The following ERBB4 variants were observed in gnomAD, a reference collection of about 807,000 sequenced individuals.
ERBB4 encodes the protein receptor tyrosine-protein kinase erbB-4.
Under a neutral mutation model 158.0 loss-of-function variants are expected in ERBB4, and 42 were observed. The observed-to-expected ratio is 0.27, with a 90% CI of 0.21 to 0.34. The LOEUF (loss-of-function observed/expected upper bound fraction) is 0.34. Among genes scored for constraint, ERBB4 ranks in the 10% least tolerant of loss-of-function variants. The pLI is 1.00. For synonymous variants in ERBB4, 583 were observed against 558.7 expected (o/e 1.04, Z -0.61); for missense variants, 1,333 against 1,624.1 (o/e 0.82, Z 3.08).
At chr2:211,854,776 G>T (rs2077810419) in intron 3 of ERBB4, among the ~76,000 whole-genome samples, 1 of 152,028 alleles carries the variant, frequency 6.6e-6, no homozygotes, top group African/African-American at 2.4e-5. Flanking sequence ...ATGCTACCAT[G>T]AATATTCTTA....
intron 3 of ERBB4, among the ~76,000 whole-genome samples, chr2:211,930,699 T>C (rs2080151001): frequency 6.6e-6 from 1 of 152,166 alleles, no homozygotes; most frequent in Non-Finnish European, 1.5e-5. Context: ...TAACTGGGTA[T>C]TTTAATTATT....
intron 3 of ERBB4, among the ~76,000 whole-genome samples, chr2:211,872,633 A>G (rs1325267008): frequency 1.3e-5 from 2 of 152,176 alleles, no homozygotes; most frequent in Non-Finnish European, 2.9e-5. Context: ...TTAAAGGTCA[A>G]TATGGTATGA....
At chr2:212,296,904 C>T (rs915561865) in intron 1 of ERBB4, among the ~76,000 whole-genome samples, 1 of 151,912 alleles carries the variant, frequency 6.6e-6, no homozygotes, top group Non-Finnish European at 1.5e-5. Flanking sequence ...CAGATAGACT[C>T]TCCTTCATGA....
intron 5 of ERBB4, among the ~76,000 whole-genome samples, chr2:211,736,826 C>A (rs1301307598): frequency 6.6e-6 from 1 of 151,912 alleles, no homozygotes; most frequent in Non-Finnish European, 1.5e-5. Flanking sequence ...TGGGCCAATA[C>A]AAAACAACTT....
chr2:211,966,089 C>T lies in ERBB4; in HGVS notation c.235-18473G>A, dbSNP rs191452450. Among the ~76,000 whole-genome samples the T allele has an allele frequency of 3.3e-5, 5 of 152,222 alleles. No homozygotes were observed. The East Asian group carries it at 7.7e-4, about 24-fold the overall frequency. Reference sequence around the variant, plus strand: ...TTTAGCCGGACATTGTGGCACATGCCTGTGGTCCCAGCTACCCAGGAAGCT... The same window carrying T: ...TTTAGCCGGACATTGTGGCACATGCTTGTGGTCCCAGCTACCCAGGAAGCT... On this transcript the variant is annotated intron_variant, in intron 2 of 27. Transcript: ENST00000342788.
At chr2:211,624,599 G>A (rs997531007) in intron 17 of ERBB4, among the ~76,000 whole-genome samples, 2 of 152,154 alleles carry the variant, frequency 1.3e-5, no homozygotes, top group East Asian at 1.9e-4. Context: ...CACATTTGAA[G>A]TACCAAGGCC....
intron 12 of ERBB4, among the ~76,000 whole-genome samples, chr2:211,680,548 T>C (rs935982124): frequency 6.6e-6 from 1 of 152,178 alleles, no homozygotes; most frequent in Non-Finnish European, 1.5e-5. Context: ...CTGAATATGG[T>C]AGTGTAATAT....
At chr2:212,151,046 C>A (rs2080851187) in intron 1 of ERBB4, among the ~76,000 whole-genome samples, 2 of 151,972 alleles carry the variant, frequency 1.3e-5, no homozygotes, top group South Asian at 4.1e-4. Flanking sequence ...ATGTTAAATA[C>A]AATCAATATT....
intron 1 of ERBB4, among the ~76,000 whole-genome samples, chr2:212,408,334 A>T (rs2091407040): frequency 6.6e-6 from 1 of 152,052 alleles, no homozygotes; most frequent in Non-Finnish European, 1.5e-5. Context: ...AAGCGAGAAC[A>T]TGCGGTGTTT....
intron 1 of ERBB4, among the ~76,000 whole-genome samples, chr2:212,471,875 G>A (rs1689134302): frequency 6.6e-6 from 1 of 151,764 alleles, no homozygotes; most frequent in Admixed American, 6.6e-5. Flanking sequence ...AAATTATCCA[G>A]TCAGTTAACA....
chr2:212,391,435 A>G (rs1345469684), intron 1 of ERBB4, among the ~76,000 whole-genome samples: 1 of 151,030 alleles, frequency 6.6e-6, no homozygotes, highest in Non-Finnish European at 1.5e-5. Flanking sequence ...GACTTTAATT[A>G]AAATAAATTA....
intron 7 of ERBB4, among the ~76,000 whole-genome samples, chr2:211,719,705 A>G (rs1006903885): frequency 5.9e-5 from 9 of 151,904 alleles, no homozygotes; most frequent in Non-Finnish European, 1.2e-4. Context: ...AATCCAAAAA[A>G]TTAGCCAAGC....
intron 25 of ERBB4, among the ~76,000 whole-genome samples, chr2:211,412,963 AAAG>A (rs1484800548): frequency 3.2e-4 from 48 of 150,616 alleles, no homozygotes; most frequent in Middle Eastern, 3.4e-3. Flanking sequence ...AAAAAAAAAA[AAAG>A]AAAGAAAGAA....
intron 3 of ERBB4, among the ~76,000 whole-genome samples, chr2:211,824,924 T>G (rs2077066302): frequency 6.6e-6 from 1 of 151,992 alleles, no homozygotes; most frequent in Non-Finnish European, 1.5e-5. Flanking sequence ...ACTTCATCTT[T>G]GTTAATATCT....
At chr2:211,669,189 C>T (rs2071737628) in intron 14 of ERBB4, among the ~76,000 whole-genome samples, 2 of 126,426 alleles carry the variant, frequency 1.6e-5, no homozygotes, top group South Asian at 5.1e-4. Context: ...CGCCACTGCA[C>T]TACAGTCTGG....
At chr2:212,317,921 C>A (rs2106255986) in intron 1 of ERBB4, among the ~76,000 whole-genome samples, 1 of 151,628 alleles carries the variant, frequency 6.6e-6, no homozygotes, top group Admixed American at 6.6e-5. Flanking sequence ...ATGCTCAAAA[C>A]TTATCTTTTC....
chr2:211,747,503 T>A (rs1263445116), intron 5 of ERBB4, among the ~76,000 whole-genome samples: 1 of 152,154 alleles, frequency 6.6e-6, no homozygotes, highest in Admixed American at 6.5e-5. Context: ...AAGGGGGTAT[T>A]TTTCGGAGAA....
chr2:211,567,123 C>T (rs1388927740), intron 19 of ERBB4, among the ~76,000 whole-genome samples: 1 of 152,176 alleles, frequency 6.6e-6, no homozygotes, highest in Non-Finnish European at 1.5e-5. Flanking sequence ...AAAATTAATT[C>T]TCAGCTGCAA....
At position 212,373,824 on chromosome 2, in the gene ERBB4, C is replaced by CAT. The variant is rs72314218; in HGVS notation, c.82+164623_82+164624dup. The stretch of plus-strand genomic sequence containing the variant: ...CCATATATATATCCATGTATATATC[C>CAT]ATATATATATATATCCATGTATATA... On this transcript the variant is annotated intron_variant, in intron 1 of 27. Transcript: ENST00000342788. Among the ~76,000 whole-genome samples, 13 of 75,060 alleles carry CAT rather than the reference C, an allele frequency of 1.7e-4. 1 individual carries two copies. Among genetic ancestry groups the CAT allele is most frequent in the South Asian group, 4.8e-4 (1 of 2,098 alleles). The allele number at this position is 75,060 out of a possible 152,430, so 49.2% of individuals were successfully genotyped here.
Sources: allele counts gnomAD v4.1 joint callset (sites outside exome capture counted in the v4.1 genomes callset), GRCh38; gene constraint gnomAD v4.1.1; transcripts MANE v1.5; gene names NCBI Gene and HGNC (gene_info 2026-07-23, HGNC 2026-07-21).